Variants in H3-3B observed in about 807,000 individuals in gnomAD.
The protein encoded by H3-3B is histone H3.3.
A neutral mutation model predicts 13.1 loss-of-function variants in H3-3B; 2 were observed. The ratio of observed to expected loss-of-function variants is 0.15; its 90% CI spans 0.06 to 0.48. H3-3B has a LOEUF of 0.48. H3-3B is among the 20% of genes least tolerant of loss of function. The pLI is 0.97. For missense variants in H3-3B, 39 were observed against 186.0 expected, an observed-to-expected ratio of 0.21 and a Z score of 4.60; for synonymous variants, 133 against 75.8, an observed-to-expected ratio of 1.76 and a Z score of -3.92.
rs2061646436 is a variant in H3-3B at position 75,777,873 on chromosome 17, A to T, written c.*722T>A. On this transcript the variant is annotated 3_prime_UTR_variant, in exon 4 of 4. Coordinates refer to ENST00000254810, the MANE Select transcript of H3-3B (RefSeq NM_005324.5). ...TCCCCCAGTTAGTGTTTGCATTATC[A>T]GCTAGAGGGTTAACATGTGGTAGAA... 6.6e-6 allele frequency: 1 copy of T among 152,586 alleles called. No individual in the cohort carries two copies. Among genetic ancestry groups the T allele is most frequent in the Non-Finnish European group, 1.5e-5 (1 of 68,038 alleles). 9.5% of individuals were successfully genotyped at this position (152,586 alleles called of 1,614,324 possible).
chr17:75,778,302 C>CT lies in H3-3B; in HGVS notation c.*292dup, dbSNP rs1426650183. 1 of 388,042 alleles carries CT rather than the reference C, an allele frequency of 2.6e-6. No individual in the cohort carries two copies. The highest frequency in any genetic ancestry group is 2.1e-5 in the African/African-American group (1 of 48,512). 24.0% of individuals were successfully genotyped at this position (388,042 alleles called of 1,614,324 possible). A position where few individuals can be genotyped will look rare whatever the true frequency, so the allele number is the denominator to read the frequency against. On this transcript the variant is annotated 3_prime_UTR_variant, in exon 4 of 4. Transcript: ENST00000254810. ...AGGACCCTGTACACATTTATCAACT[C>CT]TAGTACCTTAATAGCTACCCAACAA...
rs201309741 is a variant in H3-3B, at chr17:75,777,656, C to T, written c.*939G>A. 7.0e-6 allele frequency: 1 copy of T among 141,990 alleles called. No homozygotes were observed. Among genetic ancestry groups the T allele is most frequent in the Non-Finnish European group, 1.5e-5 (1 of 65,426 alleles). 8.8% of individuals were successfully genotyped at this position (141,990 alleles called of 1,614,324 possible). On this transcript the variant is annotated 3_prime_UTR_variant, in exon 4 of 4. Transcript: ENST00000254810. ...GGAGTTTTGTGCTCCTCCCCCACACCAAGTTTTTATAATACAAATGCCACA... is the reference window on the plus strand; with the variant it reads ...GGAGTTTTGTGCTCCTCCCCCACACTAAGTTTTTATAATACAAATGCCACA...
At position 75,779,160 on chromosome 17, in the gene H3-3B, C is replaced by T. The variant is rs551047862; in HGVS notation, c.15G>A (p.Lys5=). Residue 5 remains lysine (K), a synonymous_variant, in exon 2 of 4, where the codon AAG becomes AAA. Transcript: ENST00000254810. MART[K]QTARKSTGGK... ...CACCGGTGGACTTACGAGCAGTCTG[C>T]TTGGTTCGGGCCATTTTCTTTCACC... The T allele has an allele frequency of 1.9e-6, 3 of 1,565,266 alleles. No individual in the cohort carries two copies. The South Asian group carries it at 3.5e-5, about 18-fold the overall frequency.
In H3-3B at chr17:75,776,548, T is replaced by A. The variant is rs1284637883; in HGVS notation, c.*2047A>T. ...GCTCCTTTACCCTTACCGAGGGATA[T>A]CCCATACAGGAAGCCGCCTACAACC... On this transcript the variant is annotated 3_prime_UTR_variant, in exon 4 of 4. Transcript: ENST00000254810. The A allele has an allele frequency of 6.6e-6, 1 of 152,240 alleles. No individual in the cohort carries two copies. The highest frequency in any genetic ancestry group is 1.5e-5 in the Non-Finnish European group (1 of 68,046). The allele number at this position is 152,240 out of a possible 1,614,324, so 9.4% of individuals were successfully genotyped here.
Position 75,778,990 on chromosome 17 carries a change from G to A in H3-3B, c.129-27C>T, listed in dbSNP as rs368010219. ...TGCAGCGAGCAGGGGAGGAGTGAGC[G>A]GACGCTGCCGCACAAAGCCGGCCAC... On this transcript the variant is annotated intron_variant, in intron 2 of 3. Coordinates refer to ENST00000254810, the MANE Select transcript of H3-3B (RefSeq NM_005324.5). The A allele has an allele frequency of 7.4e-6, 12 of 1,613,484 alleles. No homozygotes were observed. The African/African-American group carries it at 1.3e-4, about 18-fold the overall frequency.
In H3-3B at chr17:75,777,875, C is replaced by CT. The variant is rs2061646457; in HGVS notation, c.*719dup. 6.6e-6 allele frequency: 1 copy of CT among 152,514 alleles called. No homozygotes were observed. The highest frequency in any genetic ancestry group is 1.5e-5 in the Non-Finnish European group (1 of 68,036). The allele number at this position is 152,514 out of a possible 1,614,324, so 9.4% of individuals were successfully genotyped here. A position where few individuals can be genotyped will look rare whatever the true frequency, so the allele number is the denominator to read the frequency against. ...CCCCAGTTAGTGTTTGCATTATCAG[C>CT]TAGAGGGTTAACATGTGGTAGAATG... is the stretch of plus-strand genomic sequence containing the variant. On this transcript the variant is annotated 3_prime_UTR_variant, in exon 4 of 4. Coordinates refer to ENST00000254810, the MANE Select transcript of H3-3B (RefSeq NM_005324.5).
chr17:75,778,484 A>C lies in H3-3B; in HGVS notation c.*111T>G. The C allele has an allele frequency of 7.1e-7, 1 of 1,416,318 alleles. No individual in the cohort carries two copies. The highest frequency in any genetic ancestry group is 1.3e-5 in the South Asian group (1 of 74,294). The allele number at this position is 1,416,318 out of a possible 1,614,324, so 87.7% of individuals were successfully genotyped here. On this transcript the variant is annotated 3_prime_UTR_variant, in exon 4 of 4. Transcript: ENST00000254810. ...TTCATCCTGAGTGAAAGATGGAATG[A>C]CTTAAGTACAAATGCAACATATTAT... is the stretch of plus-strand genomic sequence containing the variant.
In H3-3B at chr17:75,778,321, C is replaced by CCAA; in HGVS notation, c.*271_*273dup. The CCAA allele has an allele frequency of 2.3e-6, 1 of 442,986 alleles. No individual in the cohort carries two copies. Among genetic ancestry groups the CCAA allele is most frequent in the Non-Finnish European group, 4.1e-6 (1 of 245,088 alleles). 27.4% of individuals were successfully genotyped at this position (442,986 alleles called of 1,614,324 possible). On this transcript the variant is annotated 3_prime_UTR_variant, in exon 4 of 4. Transcript: ENST00000254810. ...TCAACTCTAGTACCTTAATAGCTACCCAACAAGTCATTAACATACAGAAAC... is the reference window on the plus strand; with the variant it reads ...TCAACTCTAGTACCTTAATAGCTACCCAACAACAAGTCATTAACATACAGAAAC...
Position 75,777,454 on chromosome 17 carries a change from C to A in H3-3B, c.*1141G>T, listed in dbSNP as rs749728569. 4 of 152,732 alleles carry A rather than the reference C, an allele frequency of 2.6e-5. No homozygotes were observed. Among genetic ancestry groups the A allele is most frequent in the Non-Finnish European group, 5.9e-5 (4 of 68,040 alleles). 9.5% of individuals were successfully genotyped at this position (152,732 alleles called of 1,614,324 possible). A position where few individuals can be genotyped will look rare whatever the true frequency, so the allele number is the denominator to read the frequency against. On this transcript the variant is annotated 3_prime_UTR_variant, in exon 4 of 4. Coordinates refer to ENST00000254810, the MANE Select transcript of H3-3B (RefSeq NM_005324.5). The stretch of plus-strand genomic sequence containing the variant: ...GTACATTCAATTTAGGTTTTGGACA[C>A]TTAGTTGGATAAACAAGTTTATTTG...
Position 75,776,727 on chromosome 17 carries a change from T to TTGTCACAGGTAGTA in H3-3B, c.*1854_*1867dup, listed in dbSNP as rs1165305095. The TTGTCACAGGTAGTA allele has an allele frequency of 1.3e-5, 2 of 152,172 alleles. No homozygotes were observed. Among genetic ancestry groups the TTGTCACAGGTAGTA allele is most frequent in the Non-Finnish European group, 2.9e-5 (2 of 68,044 alleles). 9.4% of individuals were successfully genotyped at this position (152,172 alleles called of 1,614,324 possible). A position where few individuals can be genotyped will look rare whatever the true frequency, so the allele number is the denominator to read the frequency against. ...GGTTCACTAGTGTCACCCACTTGGG[T>TTGTCACAGGTAGTA]TGTCACAGGTAGTAAGCAGAAGCTA... On this transcript the variant is annotated 3_prime_UTR_variant, in exon 4 of 4. Coordinates refer to ENST00000254810, the MANE Select transcript of H3-3B (RefSeq NM_005324.5).
Position 75,777,702 on chromosome 17 carries a change from G to C in H3-3B, c.*893C>G, listed in dbSNP as rs1353854381. 4 of 152,412 alleles carry C rather than the reference G, an allele frequency of 2.6e-5. No individual in the cohort carries two copies. Among genetic ancestry groups the C allele is most frequent in the Non-Finnish European group, 2.9e-5 (2 of 68,036 alleles). 9.4% of individuals were successfully genotyped at this position (152,412 alleles called of 1,614,324 possible). A position where few individuals can be genotyped will look rare whatever the true frequency, so the allele number is the denominator to read the frequency against. ...CCACAAGAAAAAGAACTTCGGTACT[G>C]TTTCCTCAGCAGAGGAGAAAAACTC... is the stretch of plus-strand genomic sequence containing the variant. On this transcript the variant is annotated 3_prime_UTR_variant, in exon 4 of 4. Coordinates refer to ENST00000254810, the MANE Select transcript of H3-3B (RefSeq NM_005324.5).
In H3-3B at chr17:75,778,334, A is replaced by T. The variant is rs1599343034; in HGVS notation, c.*261T>A. 2 of 485,288 alleles carry T rather than the reference A, an allele frequency of 4.1e-6. No individual in the cohort carries two copies. The highest frequency in any genetic ancestry group is 3.8e-5 in the East Asian group (1 of 26,518). The allele number at this position is 485,288 out of a possible 1,614,324, so 30.1% of individuals were successfully genotyped here. ...CTTAATAGCTACCCAACAAGTCATT[A>T]ACATACAGAAACATGCATCATGAGA... is the stretch of plus-strand genomic sequence containing the variant. On this transcript the variant is annotated 3_prime_UTR_variant, in exon 4 of 4. Coordinates refer to ENST00000254810, the MANE Select transcript of H3-3B (RefSeq NM_005324.5).
Position 75,778,325 on chromosome 17 carries a change from CAA to C in H3-3B, c.*268_*269del, listed in dbSNP as rs142703331. On this transcript the variant is annotated 3_prime_UTR_variant, in exon 4 of 4. Coordinates refer to ENST00000254810, the MANE Select transcript of H3-3B (RefSeq NM_005324.5). ...CTCTAGTACCTTAATAGCTACCCAA[CAA>C]GTCATTAACATACAGAAACATGCAT... The C allele has an allele frequency of 2.5e-3, 1,148 of 456,970 alleles. 4 individuals are homozygous for C. The highest frequency in any genetic ancestry group is 3.8e-3 in the Non-Finnish European group (961 of 253,760). 28.3% of individuals were successfully genotyped at this position (456,970 alleles called of 1,614,324 possible). A position where few individuals can be genotyped will look rare whatever the true frequency, so the allele number is the denominator to read the frequency against.
Position 75,778,524 on chromosome 17 carries a change from A to C in H3-3B, c.*71T>G, listed in dbSNP as rs540874657. ...CAACATATTATAAACAATTTCTTAC[A>C]AAAAAAGTCACAAATTAAACCAAAG... On this transcript the variant is annotated 3_prime_UTR_variant, in exon 4 of 4. Coordinates refer to ENST00000254810, the MANE Select transcript of H3-3B (RefSeq NM_005324.5). The C allele has an allele frequency of 2.6e-5, 40 of 1,544,572 alleles. No individual in the cohort carries two copies. The highest frequency in any genetic ancestry group is 3.5e-4 in the Middle Eastern group (2 of 5,734).
Position 75,777,279 on chromosome 17 carries a change from G to A in H3-3B, c.*1316C>T, listed in dbSNP as rs1344123555. On this transcript the variant is annotated 3_prime_UTR_variant, in exon 4 of 4. Coordinates refer to ENST00000254810, the MANE Select transcript of H3-3B (RefSeq NM_005324.5). ...ACACTGCAAATACAGCACTATTATGGCATCTTAATCAAGCAGAGAGCTGTT... is the reference window on the plus strand; with the variant it reads ...ACACTGCAAATACAGCACTATTATGACATCTTAATCAAGCAGAGAGCTGTT... 6.6e-6 allele frequency: 1 copy of A among 152,120 alleles called. No individual in the cohort carries two copies. The highest frequency in any genetic ancestry group is 1.5e-5 in the Non-Finnish European group (1 of 68,014). The allele number at this position is 152,120 out of a possible 1,614,324, so 9.4% of individuals were successfully genotyped here.
rs2061650164 is a variant in H3-3B, at chr17:75,778,513, C to T, written c.*82G>A. On this transcript the variant is annotated 3_prime_UTR_variant, in exon 4 of 4. Transcript: ENST00000254810. ...AAGTACAAATGCAACATATTATAAA[C>T]AATTTCTTACAAAAAAAGTCACAAA... 2 of 1,530,668 alleles carry T rather than the reference C, an allele frequency of 1.3e-6. No homozygotes were observed. The highest frequency in any genetic ancestry group is 1.3e-5 in the South Asian group (1 of 79,538). 94.8% of individuals were successfully genotyped at this position (1,530,668 alleles called of 1,614,324 possible).
rs188695621 is a variant in H3-3B, at chr17:75,779,139, G to A, written c.36C>T (p.Thr12=). 5.6e-6 allele frequency: 9 copies of A among 1,597,034 alleles called. 1 individual carries two copies. The highest frequency in any genetic ancestry group is 4.5e-5 in the South Asian group (4 of 89,814). Residue 12 remains threonine (T), a synonymous_variant, in exon 2 of 4, where the codon ACC becomes ACT. Transcript: ENST00000254810. ...ARTKQTARKS[T]GGKAPRKQLA... Reference sequence around the variant, plus strand: ...GCTGTTTGCGGGGGGCTTTCCCACCGGTGGACTTACGAGCAGTCTGCTTGG... The same window carrying A: ...GCTGTTTGCGGGGGGCTTTCCCACCAGTGGACTTACGAGCAGTCTGCTTGG...
chr17:75,776,516 T>TGCCTC lies in H3-3B; in HGVS notation c.*2074_*2078dup, dbSNP rs2061637982. 2.0e-5 allele frequency: 3 copies of TGCCTC among 152,328 alleles called. No homozygotes were observed. The South Asian group carries it at 6.2e-4, about 32-fold the overall frequency. 9.4% of individuals were successfully genotyped at this position (152,328 alleles called of 1,614,324 possible). ...AGCTGCAACTTCTGCTTTTCTCCTT[T>TGCCTC]GCCTCTGCTCCTTTACCCTTACCGA... On this transcript the variant is annotated 3_prime_UTR_variant, in exon 4 of 4. Transcript: ENST00000254810.
intron 1 of H3-3B, chr17:75,779,387 G>T: frequency 2.3e-6 from 1 of 442,120 alleles, no homozygotes; most frequent in Non-Finnish European, 3.7e-6. Flanking sequence ...GCCTCCCCCG[G>T]GAGGGGGAGC....
Sources: allele counts gnomAD v4.1 joint callset, GRCh38; gene constraint gnomAD v4.1.1; transcripts MANE v1.5; gene names NCBI Gene and HGNC (gene_info 2026-07-23, HGNC 2026-07-21).